The following SGIP1 variants were observed in gnomAD, a reference collection of about 807,000 sequenced individuals.
SGIP1 encodes SH3-containing GRB2-like protein 3-interacting protein 1.
SGIP1 carries 38 observed loss-of-function variants against 107.5 expected under a neutral mutation model. The observed-to-expected ratio is 0.35, with a 90% CI of 0.27 to 0.46. The LOEUF (loss-of-function observed/expected upper bound fraction) is 0.46, where lower values mean the gene tolerates loss of function less well. Ranked by LOEUF, SGIP1 falls within the 20% of genes least tolerant of loss-of-function variation. The probability of loss-of-function intolerance (pLI) is 1.00; values close to 1 mark genes in which losing one functional copy is unlikely to be tolerated. For synonymous variants in SGIP1, 365 were observed against 366.1 expected, an observed-to-expected ratio of 1.00 and a Z score of 0.03; for missense variants, 929 against 1,019.5, an observed-to-expected ratio of 0.91 and a Z score of 1.21.
intron 4 of SGIP1, among the ~76,000 whole-genome samples, chr1:66,637,837 A>G (rs1181173516): frequency 2.0e-5 from 3 of 150,104 alleles, no homozygotes; most frequent in African/African-American, 7.3e-5. Flanking sequence ...GTACATATAC[A>G]TACACACATA....
chr1:66,600,748 T>C (rs1490301342), intron 1 of SGIP1, among the ~76,000 whole-genome samples: 1 of 152,158 alleles, frequency 6.6e-6, no homozygotes, highest in Non-Finnish European at 1.5e-5. Context: ...CCCTAAGCCA[T>C]GCAAGCCTGT....
intron 7 of SGIP1, among the ~76,000 whole-genome samples, chr1:66,648,013 G>C (rs1328349120): frequency 6.6e-6 from 1 of 152,146 alleles, no homozygotes; most frequent in Non-Finnish European, 1.5e-5. Context: ...TGTGGGGTGG[G>C]CAGAGGGAGA....
At chr1:66,689,123 AT>A in intron 15 of SGIP1, 24 bp from the exon 16 acceptor site, 1 of 1,603,206 alleles carries the variant, frequency 6.2e-7, no homozygotes, top group Non-Finnish European at 8.5e-7. Context: ...GTTTCCAGCC[AT>A]TTTAATGCTA....
intron 24 of SGIP1, among the ~76,000 whole-genome samples, chr1:66,741,916 C>T (rs2094458676): frequency 6.6e-6 from 1 of 151,986 alleles, no homozygotes; most frequent in African/African-American, 2.4e-5. Flanking sequence ...TACAGGCGCC[C>T]ACCACCACGC....
At chr1:66,728,755 T>G (rs971660917) in intron 19 of SGIP1, among the ~76,000 whole-genome samples, 1 of 152,164 alleles carries the variant, frequency 6.6e-6, no homozygotes, top group Non-Finnish European at 1.5e-5. Flanking sequence ...ATATACACCA[T>G]GGAATACTAT....
At chr1:66,698,379 C>CTTTT (rs397739553) in intron 18 of SGIP1, among the ~76,000 whole-genome samples, 1 of 137,296 alleles carries the variant, frequency 7.3e-6, no homozygotes, top group Non-Finnish European at 1.6e-5. Context: ...ATGGTGATGA[C>CTTTT]TTTTTTTTTT....
At chr1:66,603,335 A>G (rs2066223312) in intron 1 of SGIP1, among the ~76,000 whole-genome samples, 1 of 152,176 alleles carries the variant, frequency 6.6e-6, no homozygotes, top group Non-Finnish European at 1.5e-5. Flanking sequence ...TGTAAGAATT[A>G]TATATCAAAT....
At chr1:66,583,356 C>T (rs564351163) in intron 1 of SGIP1, among the ~76,000 whole-genome samples, 83 of 152,082 alleles carry the variant, frequency 5.5e-4, no homozygotes, top group Non-Finnish European at 5.9e-4. Context: ...TTCAGATTCA[C>T]CCCATCCTAC....
intron 1 of SGIP1, among the ~76,000 whole-genome samples, chr1:66,617,122 G>A (rs2069532876): frequency 2.0e-5 from 3 of 152,162 alleles, no homozygotes; most frequent in African/African-American, 7.2e-5. Context: ...ACCACATGCC[G>A]ACCGACTTTG....
intron 19 of SGIP1, among the ~76,000 whole-genome samples, chr1:66,720,992 A>G (rs2093502789): frequency 6.6e-6 from 1 of 152,192 alleles, no homozygotes. Flanking sequence ...CTTTAAGTGT[A>G]CTAGCCAGCC....
chr1:66,720,787 A>C lies in SGIP1; in HGVS notation c.1742+1382A>C, dbSNP rs997613389. On this transcript the variant is annotated intron_variant, in intron 19 of 24. Coordinates refer to ENST00000371037, the MANE Select transcript of SGIP1 (RefSeq NM_032291.4). The stretch of plus-strand genomic sequence containing the variant: ...AAAGTCGATGTGTATATAGAACACT[A>C]GACTATACTATAAAAATTTTTTGAA... Among the ~76,000 whole-genome samples, 3 of 152,172 alleles carry C rather than the reference A, an allele frequency of 2.0e-5. No homozygotes were observed. In the East Asian group the frequency reaches 5.8e-4, roughly 29 times the overall value.
intron 18 of SGIP1, among the ~76,000 whole-genome samples, chr1:66,701,930 C>A (rs1180849684): frequency 6.6e-6 from 1 of 152,208 alleles, no homozygotes; most frequent in Non-Finnish European, 1.5e-5. Context: ...AGCTGGAGAG[C>A]AGGTGTGTTA....
intron 14 of SGIP1, among the ~76,000 whole-genome samples, chr1:66,680,783 A>T (rs1211941249): frequency 6.6e-6 from 1 of 152,240 alleles, no homozygotes; most frequent in East Asian, 1.9e-4. Context: ...ATTCCTTTCA[A>T]GCTAGAAATA....
intron 1 of SGIP1, among the ~76,000 whole-genome samples, chr1:66,539,229 A>G (rs2054318288): frequency 1.3e-5 from 2 of 152,172 alleles, no homozygotes. Context: ...TGAATAAGAA[A>G]GAGGTCATAG....
chr1:66,692,605 A>G lies in SGIP1; in HGVS notation c.1570+2289A>G, dbSNP rs562780133. ...AAGGGCCTAATCATAACTGACTTGG[A>G]ATGTCAACTTAATGTAGTCAAATGG... is the stretch of plus-strand genomic sequence containing the variant. On this transcript the variant is annotated intron_variant, in intron 17 of 24. Coordinates refer to ENST00000371037, the MANE Select transcript of SGIP1 (RefSeq NM_032291.4). 2.6e-5 allele frequency among the ~76,000 whole-genome samples: 4 copies of G among 152,316 alleles called. No individual in the cohort carries two copies. In the South Asian group the frequency reaches 8.3e-4, roughly 32 times the overall value.
intron 1 of SGIP1, among the ~76,000 whole-genome samples, chr1:66,535,606 A>C (rs114763265): frequency 1.8e-3 from 275 of 152,314 alleles, no homozygotes; most frequent in African/African-American, 6.2e-3. Flanking sequence ...CAAAACCCAC[A>C]GATTTTAGAA....
intron 1 of SGIP1, among the ~76,000 whole-genome samples, chr1:66,565,298 A>G (rs2059491416): frequency 6.6e-6 from 1 of 151,908 alleles, no homozygotes; most frequent in Admixed American, 6.6e-5. Flanking sequence ...CTTTTCTTTC[A>G]TTTATATGGG....
intron 1 of SGIP1, among the ~76,000 whole-genome samples, chr1:66,539,831 A>C (rs1224035443): frequency 6.6e-6 from 1 of 152,110 alleles, no homozygotes; most frequent in Non-Finnish European, 1.5e-5. Context: ...ATCCTGGGCT[A>C]CTGAGTCCAT....
intron 1 of SGIP1, among the ~76,000 whole-genome samples, chr1:66,541,834 A>C (rs1446277667): frequency 6.6e-6 from 1 of 152,204 alleles, no homozygotes; most frequent in Non-Finnish European, 1.5e-5. Flanking sequence ...TAACAGATAC[A>C]CCTGGAGTGT....
Sources: gnomAD v4.1 joint callset for allele counts (sites outside exome capture counted in the v4.1 genomes callset) on GRCh38, gnomAD v4.1.1 for gene constraint, MANE v1.5 for transcripts, NCBI Gene and HGNC (gene_info 2026-07-23, HGNC 2026-07-21) for gene names.